CFAP54: variants seen among roughly 807,000 people sequenced by gnomAD.
CFAP54 encodes cilia- and flagella-associated protein 54.
In CFAP54, 290 loss-of-function variants were observed where a neutral mutation model predicts 370.4. The observed-to-expected ratio is 0.78, with a 90% CI of 0.71 to 0.86. The LOEUF is 0.86. Ranked by LOEUF, CFAP54 falls within the 40% of genes least tolerant of loss-of-function variation. The probability of loss-of-function intolerance (pLI) is 0.00; values close to 1 mark genes in which losing one functional copy is unlikely to be tolerated. For synonymous variants in CFAP54, 1,206 were observed against 1,236.5 expected (o/e 0.98, Z 0.52); for missense variants, 3,399 against 3,528.7 (o/e 0.96, Z 0.93).
intron 26 of CFAP54, among the ~76,000 whole-genome samples, chr12:96,616,050 A>G (rs1956413384): frequency 6.6e-6 from 1 of 152,242 alleles, no homozygotes; most frequent in African/African-American, 2.4e-5. Context: ...GCTGCTATAA[A>G]GACACATGCA....
At chr12:96,729,995 G>T (rs115351872) in intron 50 of CFAP54, among the ~76,000 whole-genome samples, 11 of 152,202 alleles carry the variant, frequency 7.2e-5, no homozygotes, top group Non-Finnish European at 1.3e-4. Flanking sequence ...GATATGATTG[G>T]CACACAGTCG....
chr12:96,742,467 T>C lies in CFAP54; in HGVS notation c.7100T>C (p.Phe2367Ser). 6.3e-7 allele frequency: 1 copy of C among 1,596,416 alleles called. No homozygotes were observed. Among genetic ancestry groups the C allele is most frequent in the Non-Finnish European group, 8.6e-7 (1 of 1,165,136 alleles). ...SVTENKDDSE[F>S]LDPISLNARE... is the part of the protein sequence containing the mutation. ...ACTGAAAATAAAGATGACAGTGAGTTTTTAGATCCTATTTCCCTAAATGCC... is the reference window on the plus strand; with the variant it reads ...ACTGAAAATAAAGATGACAGTGAGTCTTTAGATCCTATTTCCCTAAATGCC... The change falls in exon 52 of 68, where the codon TTT (phenylalanine) becomes TCT (serine). Residue 2367 changes from phenylalanine to serine, a missense_variant. By Grantham distance (155) the Phe-to-Ser change is radical. Transcript: ENST00000524981.
intron 8 of CFAP54, 140 bp downstream of exon 8, chr12:96,522,329 A>C: frequency 1.8e-6 from 1 of 568,308 alleles, no homozygotes; most frequent in South Asian, 2.9e-5. Context: ...AGAGAGAAGA[A>C]TGTTTTTCTA....
intron 26 of CFAP54, among the ~76,000 whole-genome samples, chr12:96,604,172 A>T (rs888900022): frequency 3.9e-5 from 6 of 151,966 alleles, no homozygotes; most frequent in Non-Finnish European, 8.8e-5. Context: ...TGTTGATGCT[A>T]TTCCTTTCAT....
intron 48 of CFAP54, among the ~76,000 whole-genome samples, chr12:96,713,994 G>A (rs1348273725): frequency 6.6e-6 from 1 of 152,154 alleles, no homozygotes; most frequent in Admixed American, 6.5e-5. Context: ...GAGTGAGTTG[G>A]AATACCACTG....
intron 1 of CFAP54, among the ~76,000 whole-genome samples, chr12:96,498,275 CA>C (rs1954981596): frequency 1.3e-5 from 2 of 152,162 alleles, no homozygotes; most frequent in Non-Finnish European, 2.9e-5. Flanking sequence ...ATCCACATGC[CA>C]AAAAATGAAT....
At chr12:96,844,510 A>G (rs1047697071) in intron 66 of CFAP54, among the ~76,000 whole-genome samples, 1 of 152,208 alleles carries the variant, frequency 6.6e-6, no homozygotes, top group Non-Finnish European at 1.5e-5. Context: ...CAGATTTCCA[A>G]CCTACAGGGC....
At chr12:96,506,023 G>A (rs1955095803) in intron 3 of CFAP54, among the ~76,000 whole-genome samples, 1 of 152,094 alleles carries the variant, frequency 6.6e-6, no homozygotes, top group South Asian at 2.1e-4. Context: ...AAGTTAAAAT[G>A]CCACTGGGGA....
Position 96,630,075 on chromosome 12 carries a change from CTT to C in CFAP54, c.4104-16_4104-15del. The C allele has an allele frequency of 7.5e-7, 1 of 1,329,028 alleles. No homozygotes were observed. 82.3% of individuals were successfully genotyped at this position (1,329,028 alleles called of 1,614,324 possible). A position where few individuals can be genotyped will look rare whatever the true frequency, so the allele number is the denominator to read the frequency against. On this transcript the variant is annotated splice_polypyrimidine_tract_variant and intron_variant, in intron 30 of 67. Transcript: ENST00000524981. The stretch of plus-strand genomic sequence containing the variant: ...AATTTTTGCAGGTCTTTTTGACTGA[CTT>C]TATCTTTTTTATTAGGAGAAATGAG...
intron 19 of CFAP54, among the ~76,000 whole-genome samples, chr12:96,569,013 T>C (rs1173003544): frequency 1.3e-5 from 2 of 152,148 alleles, no homozygotes; most frequent in Non-Finnish European, 2.9e-5. Flanking sequence ...TAGGATTATA[T>C]TAAAGGATTG....
chr12:96,640,713 G>T (rs1426663081), intron 32 of CFAP54, among the ~76,000 whole-genome samples: 1 of 152,136 alleles, frequency 6.6e-6, no homozygotes, highest in Non-Finnish European at 1.5e-5. Context: ...GCATGGTACT[G>T]GTACCAAAAC....
intron 65 of CFAP54, among the ~76,000 whole-genome samples, chr12:96,825,253 T>C (rs930695703): frequency 2.0e-4 from 22 of 107,456 alleles, no homozygotes; most frequent in African/African-American, 7.3e-4. Context: ...CTAGATATTA[T>C]ATATTATATA....
intron 66 of CFAP54, among the ~76,000 whole-genome samples, chr12:96,836,562 A>G (rs1182527591): frequency 1.3e-5 from 2 of 152,216 alleles, no homozygotes; most frequent in Non-Finnish European, 2.9e-5. Context: ...GGAGCAGCTA[A>G]GAATCTATGC....
chr12:96,535,774 A>C (rs992392261), intron 12 of CFAP54, among the ~76,000 whole-genome samples, 174 bp downstream of exon 12: 2 of 152,102 alleles, frequency 1.3e-5, no homozygotes, highest in African/African-American at 2.4e-5. Context: ...GTTTCTTTTT[A>C]TTATTGTTGT....
intron 25 of CFAP54, among the ~76,000 whole-genome samples, chr12:96,595,452 C>T (rs993011414): frequency 3.3e-5 from 5 of 152,122 alleles, no homozygotes; most frequent in East Asian, 3.8e-4. Flanking sequence ...AGAAAGTTAT[C>T]GCCGTCATTG....
At chr12:96,535,727 A>G in intron 12 of CFAP54, 127 bp downstream of exon 12, 1 of 556,818 alleles carries the variant, frequency 1.8e-6, no homozygotes, top group Non-Finnish European at 3.1e-6. Context: ...AATCATTAGC[A>G]TATAGGATTA....
intron 22 of CFAP54, among the ~76,000 whole-genome samples, chr12:96,581,681 T>C (rs1318055973): frequency 3.3e-5 from 5 of 151,866 alleles, no homozygotes; most frequent in Non-Finnish European, 7.4e-5. Context: ...TTAATATATA[T>C]ATATATATAC....
intron 20 of CFAP54, 100 bp downstream of exon 20, chr12:96,576,861 C>A: frequency 2.0e-6 from 2 of 988,500 alleles, no homozygotes; most frequent in Non-Finnish European, 2.9e-6. Context: ...ACTGGATAGT[C>A]TTATTCATAA....
chr12:96,610,394 A>G (rs1379585016), intron 26 of CFAP54, among the ~76,000 whole-genome samples: 1 of 152,180 alleles, frequency 6.6e-6, no homozygotes, highest in South Asian at 2.1e-4. Flanking sequence ...AATTCAAAAG[A>G]TAAACAGGGA....
Sources: gnomAD v4.1 joint callset for allele counts (sites outside exome capture counted in the v4.1 genomes callset) on GRCh38, gnomAD v4.1.1 for gene constraint, MANE v1.5 for transcripts, NCBI Gene and HGNC (gene_info 2026-07-23, HGNC 2026-07-21) for gene names.